The following LIPA variants were observed in gnomAD, a reference collection of about 807,000 sequenced individuals.
LIPA encodes the protein lysosomal acid lipase/cholesteryl ester hydrolase.
Under a neutral mutation model 40.6 loss-of-function variants are expected in LIPA, and 26 were observed. That is an observed-to-expected ratio of 0.64 (90% CI 0.47 to 0.89). The LOEUF (loss-of-function observed/expected upper bound fraction) is 0.89, where lower values mean the gene tolerates loss of function less well. Among genes scored for constraint, LIPA ranks in the 40% least tolerant of loss-of-function variants. The probability of loss-of-function intolerance (pLI) is 0.00; values close to 1 mark genes in which losing one functional copy is unlikely to be tolerated. For synonymous variants in LIPA, 188 were observed against 168.4 expected (o/e 1.12, Z -0.90); for missense variants, 455 against 479.6 (o/e 0.95, Z 0.48).
intron 3 of LIPA, among the ~76,000 whole-genome samples, chr10:89,243,179 C>T (rs988780995): frequency 1.3e-5 from 2 of 152,196 alleles, no homozygotes; most frequent in South Asian, 4.1e-4. Flanking sequence ...CCGGAAATAA[C>T]ACCAGTGGCA....
intron 2 of LIPA, among the ~76,000 whole-genome samples, chr10:89,356,874 G>T (rs1843991630): frequency 6.6e-6 from 1 of 152,156 alleles, no homozygotes; most frequent in Admixed American, 6.6e-5. Flanking sequence ...TTTTTATGGA[G>T]GTTCACAATA....
chr10:89,378,173 T>C, intron 2 of LIPA: 1 of 1,612,220 alleles, frequency 6.2e-7, no homozygotes, highest in Non-Finnish European at 8.5e-7. Context: ...TGACCTTATT[T>C]CTGCACACTT....
At chr10:89,344,995 G>A (rs764732441), upstream of LIPA, among the ~76,000 whole-genome samples, 14 of 148,704 alleles carry the variant, frequency 9.4e-5, no homozygotes, top group African/African-American at 2.2e-4. Context: ...GGTAGAACCC[G>A]GTTTCTACTA....
At chr10:89,251,995 A>T (rs1234475757), upstream of LIPA, 1 of 152,306 alleles carries the variant, frequency 6.6e-6, no homozygotes, top group Non-Finnish European at 1.5e-5. Context: ...TTTCTAAGAG[A>T]TGGAGCCCGT....
chr10:89,356,622 C>A (rs1037532228), intron 2 of LIPA, among the ~76,000 whole-genome samples: 27 of 152,164 alleles, frequency 1.8e-4, no homozygotes, highest in African/African-American at 5.1e-4. Context: ...TCTCCCATCA[C>A]CCCCAGATGG....
intron 1 of LIPA, among the ~76,000 whole-genome samples, chr10:89,294,934 C>T (rs761101640): frequency 7.9e-5 from 12 of 151,030 alleles, no homozygotes; most frequent in Non-Finnish European, 1.6e-4. Context: ...GCTCTGATTG[C>T]GCCACTGCAC....
At chr10:89,225,000 G>C in intron 6 of LIPA, 92 bp downstream of exon 6, 2 of 1,454,024 alleles carry the variant, frequency 1.4e-6, no homozygotes, top group South Asian at 1.1e-5. Flanking sequence ...ACGCAGGGGA[G>C]GAAGGCACAG....
intron 1 of LIPA, among the ~76,000 whole-genome samples, chr10:89,276,843 T>C (rs1843291647): frequency 6.6e-6 from 1 of 152,204 alleles, no homozygotes; most frequent in Non-Finnish European, 1.5e-5. Flanking sequence ...CCATTATTAT[T>C]CCCATTTGAT....
intron 2 of LIPA, among the ~76,000 whole-genome samples, chr10:89,368,536 C>G (rs1844073872): frequency 1.3e-5 from 2 of 152,202 alleles, no homozygotes; most frequent in African/African-American, 4.8e-5. Flanking sequence ...TGATGGATTT[C>G]ATGGGCTTAC....
chr10:89,217,190 C>G (rs961024834), intron 8 of LIPA, among the ~76,000 whole-genome samples: 2 of 152,170 alleles, frequency 1.3e-5, no homozygotes, highest in Admixed American at 1.3e-4. Flanking sequence ...AAGAAATGCT[C>G]AGACATTCTT....
intron 2 of LIPA, chr10:89,393,346 G>A (rs559828344): frequency 5.7e-6 from 7 of 1,232,842 alleles, no homozygotes; most frequent in East Asian, 1.1e-4. Context: ...CTCTTGGTAC[G>A]TCCTTGACTG....
intron 2 of LIPA, among the ~76,000 whole-genome samples, chr10:89,399,957 A>T (rs1844398774): frequency 6.6e-6 from 1 of 152,182 alleles, no homozygotes; most frequent in South Asian, 2.1e-4. Flanking sequence ...CTTGCCAGGA[A>T]CCAAATTGGT....
At chr10:89,278,878 G>A (rs2133497051) in intron 1 of LIPA, among the ~76,000 whole-genome samples, 1 of 151,428 alleles carries the variant, frequency 6.6e-6, no homozygotes, top group South Asian at 2.1e-4. Flanking sequence ...TTAAAAGAAT[G>A]TACATGGTCT....
intron 2 of LIPA, among the ~76,000 whole-genome samples, chr10:89,396,124 C>T (rs1002769893): frequency 6.6e-6 from 1 of 151,960 alleles, no homozygotes; most frequent in African/African-American, 2.4e-5. Context: ...GAATGTATAC[C>T]CAGGAATGTG....
At position 89,214,395 on chromosome 10, in the gene LIPA, A is replaced by C; in HGVS notation, c.*433T>G. 1 of 168,934 alleles carries C rather than the reference A, an allele frequency of 5.9e-6. No individual in the cohort carries two copies. The highest frequency in any genetic ancestry group is 5.8e-5 in the Admixed American group (1 of 17,306). 10.5% of individuals were successfully genotyped at this position (168,934 alleles called of 1,614,324 possible). Reference sequence around the variant, plus strand: ...GTTAGACTAGAGAGCTCTTTAAGGCAAGGACATGAAAACTGCGTACTTTTA... The same window carrying C: ...GTTAGACTAGAGAGCTCTTTAAGGCCAGGACATGAAAACTGCGTACTTTTA... On this transcript the variant is annotated 3_prime_UTR_variant, in exon 10 of 10. Coordinates refer to ENST00000336233, the MANE Select transcript of LIPA (RefSeq NM_000235.4).
intron 2 of LIPA, among the ~76,000 whole-genome samples, chr10:89,392,933 G>C (rs1290351302): frequency 6.6e-6 from 1 of 152,160 alleles, no homozygotes; most frequent in African/African-American, 2.4e-5. Flanking sequence ...GCATGAACTT[G>C]AGGAAGCTTA....
intron 2 of LIPA, among the ~76,000 whole-genome samples, chr10:89,388,884 G>GGT (rs1844226481): frequency 6.6e-6 from 1 of 152,074 alleles, no homozygotes; most frequent in African/African-American, 2.4e-5. Context: ...TGGGCTGAGT[G>GGT]ATATCATGGG....
chr10:89,364,278 C>A (rs947437954), intron 2 of LIPA, among the ~76,000 whole-genome samples: 2 of 152,178 alleles, frequency 1.3e-5, no homozygotes, highest in African/African-American at 4.8e-5. Context: ...ACCTGCCAGA[C>A]CAATCAGACT....
intron 1 of LIPA, among the ~76,000 whole-genome samples, chr10:89,273,591 T>C (rs369201147): frequency 1.5e-4 from 23 of 152,214 alleles, no homozygotes; most frequent in East Asian, 3.9e-4. Flanking sequence ...ATATTGTGAA[T>C]TGGGGAGCTG....
Sources: gnomAD v4.1 joint callset for allele counts (sites outside exome capture counted in the v4.1 genomes callset) on GRCh38, gnomAD v4.1.1 for gene constraint, MANE v1.5 for transcripts, NCBI Gene and HGNC (gene_info 2026-07-23, HGNC 2026-07-21) for gene names.